The following PTBP2 variants were observed in gnomAD, a reference collection of about 807,000 sequenced individuals.
PTBP2 encodes polypyrimidine tract-binding protein 2.
In PTBP2, 13 loss-of-function variants were observed where a neutral mutation model predicts 61.4. That is an observed-to-expected ratio of 0.21 (90% CI 0.14 to 0.34). The LOEUF (loss-of-function observed/expected upper bound fraction) is 0.34. PTBP2 is among the 10% of genes least tolerant of loss of function. The pLI is 1.00. For missense variants in PTBP2, 405 were observed against 642.6 expected, an observed-to-expected ratio of 0.63 and a Z score of 4.00; for synonymous variants, 215 against 218.5, an observed-to-expected ratio of 0.98 and a Z score of 0.14.
At position 96,791,838 on chromosome 1, in the gene PTBP2, T is replaced by TTTTTTTTGTTTTTTTTTTG. The variant is rs1557759300; in HGVS notation, c.904+6591_904+6592insGTTTTTTTTTTGTTTTTTT. 4.0e-4 allele frequency among the ~76,000 whole-genome samples: 55 copies of TTTTTTTTGTTTTTTTTTTG among 137,676 alleles called. 1 individual carries two copies. Among genetic ancestry groups the TTTTTTTTGTTTTTTTTTTG allele is most frequent in the African/African-American group, 1.3e-3 (45 of 35,648 alleles). 90.3% of individuals were successfully genotyped at this position (137,676 alleles called of 152,430 possible). On this transcript the variant is annotated intron_variant, in intron 8 of 13. Coordinates refer to ENST00000674951, the MANE Select transcript of PTBP2 (RefSeq NM_021190.4). ...GCTTGGAGTTGTGCTTTTTTTTTTT[T>TTTTTTTTGTTTTTTTTTTG]TTTTTTTTTTTGAGATAGAGTCTGG...
At chr1:96,731,830 A>G (rs899264564) in intron 2 of PTBP2, among the ~76,000 whole-genome samples, 1 of 152,068 alleles carries the variant, frequency 6.6e-6, no homozygotes, top group African/African-American at 2.4e-5. Context: ...GTAATTTGTA[A>G]TATCAGGGGT....
chr1:96,722,350 G>A (rs765388883), intron 1 of PTBP2, among the ~76,000 whole-genome samples: 52 of 152,056 alleles, frequency 3.4e-4, no homozygotes, highest in Non-Finnish European at 5.6e-4. Flanking sequence ...CCAGCCATGA[G>A]CAACCTCTCC....
intron 2 of PTBP2, among the ~76,000 whole-genome samples, chr1:96,736,421 T>C (rs1240080349): frequency 1.3e-5 from 2 of 152,080 alleles, no homozygotes; most frequent in Non-Finnish European, 2.9e-5. Context: ...GTAGAGACAC[T>C]GGAGTTTGAG....
chr1:96,742,009 A>C (rs994228060), intron 2 of PTBP2, among the ~76,000 whole-genome samples: 29 of 152,176 alleles, frequency 1.9e-4, no homozygotes, highest in African/African-American at 7.0e-4. Flanking sequence ...GTGAGTGTCA[A>C]AACTTTGTTT....
intron 2 of PTBP2, among the ~76,000 whole-genome samples, chr1:96,726,009 A>G (rs1407807573): frequency 7.5e-6 from 1 of 133,966 alleles, no homozygotes; most frequent in Non-Finnish European, 1.6e-5. Flanking sequence ...TGCGAGGCAG[A>G]GGTTGCAGTA....
chr1:96,787,527 T>C (rs1659345932), intron 8 of PTBP2, among the ~76,000 whole-genome samples: 1 of 152,234 alleles, frequency 6.6e-6, no homozygotes, highest in Admixed American at 6.5e-5. Context: ...TTTTTTTATC[T>C]GTTTTAATGT....
chr1:96,750,802 C>T (rs1654445223), intron 2 of PTBP2, among the ~76,000 whole-genome samples: 1 of 151,998 alleles, frequency 6.6e-6, no homozygotes, highest in Admixed American at 6.6e-5. Flanking sequence ...TTCAAAATAG[C>T]TAAAATGTCA....
intron 7 of PTBP2, among the ~76,000 whole-genome samples, chr1:96,780,431 A>G (rs1157817665): frequency 5.3e-5 from 8 of 151,794 alleles, no homozygotes; most frequent in Admixed American, 2.6e-4. Context: ...TCATTTCTCT[A>G]CTTACTATTA....
intron 5 of PTBP2, 129 bp from the exon 6 acceptor site, chr1:96,777,456 G>GT: frequency 3.0e-6 from 2 of 677,372 alleles, no homozygotes; most frequent in Non-Finnish European, 4.6e-6. Flanking sequence ...AAAAATATCT[G>GT]TTGAGGGGCC....
At chr1:96,740,016 G>T (rs1034087496) in intron 2 of PTBP2, among the ~76,000 whole-genome samples, 26 of 152,046 alleles carry the variant, frequency 1.7e-4, no homozygotes, top group African/African-American at 6.0e-4. Flanking sequence ...GAATGCTCAG[G>T]TTGTGTTTGT....
intron 9 of PTBP2, 86 bp from the exon 10 acceptor site, chr1:96,806,333 C>T: frequency 1.8e-6 from 2 of 1,121,508 alleles, no homozygotes; most frequent in Non-Finnish European, 2.7e-6. Context: ...AACCACCCTT[C>T]GTTATGGATG....
chr1:96,775,331 T>C (rs1273937142), intron 5 of PTBP2, among the ~76,000 whole-genome samples: 2 of 152,204 alleles, frequency 1.3e-5, no homozygotes, highest in African/African-American at 2.4e-5. Context: ...TTAAAAGATA[T>C]GTACAAGAAA....
Position 96,806,958 on chromosome 1 carries a change from G to T in PTBP2, c.1171G>T (p.Ala391Ser), listed in dbSNP as rs1272804958. Residue 391 changes from alanine to serine, a missense_variant and splice_region_variant, in exon 11 of 14, where the codon GCC (alanine) becomes TCC (serine). By Grantham distance (99) the Ala-to-Ser change is moderately conservative. Coordinates refer to ENST00000674951, the MANE Select transcript of PTBP2 (RefSeq NM_021190.4). ...QMADGNQSQL[A>S]MNHLNGQKMY... Reference sequence around the variant, plus strand: ...GGCTGATGGAAACCAATCACAACTTGGTAAGATTAAACTATGTTTTATCTA... The same window carrying T: ...GGCTGATGGAAACCAATCACAACTTTGTAAGATTAAACTATGTTTTATCTA... 6.3e-7 allele frequency: 1 copy of T among 1,597,676 alleles called. No homozygotes were observed. Among genetic ancestry groups the T allele is most frequent in the Non-Finnish European group, 8.5e-7 (1 of 1,170,536 alleles).
chr1:96,757,996 T>C (rs1207199855), intron 3 of PTBP2, among the ~76,000 whole-genome samples: 1 of 151,934 alleles, frequency 6.6e-6, no homozygotes, highest in Non-Finnish European at 1.5e-5. Context: ...AAGACATAAA[T>C]TACCAATACT....
intron 11 of PTBP2, among the ~76,000 whole-genome samples, chr1:96,810,517 G>T (rs1661973020): frequency 6.6e-6 from 1 of 152,096 alleles, no homozygotes; most frequent in African/African-American, 2.4e-5. Flanking sequence ...ACTTCCTGAG[G>T]TAGCTGTTTG....
At chr1:96,772,755 ATTAT>A (rs1189866777) in intron 5 of PTBP2, among the ~76,000 whole-genome samples, 1 of 152,132 alleles carries the variant, frequency 6.6e-6, no homozygotes, top group Non-Finnish European at 1.5e-5. Context: ...CTAGTTCGTT[ATTAT>A]TTAAGTAATT....
downstream of PTBP2, chr1:96,815,270 A>G (rs780376017): frequency 8.0e-5 from 12 of 150,492 alleles, no homozygotes; most frequent in Non-Finnish European, 1.5e-4. Flanking sequence ...CTGCAGTTTC[A>G]TCTTTCATCT....
At chr1:96,791,828 T>TTTTTTTGTTTTTTTTTTG (rs367588623) in intron 8 of PTBP2, among the ~76,000 whole-genome samples, 1,200 of 75,588 alleles carry the variant, frequency 0.016, 166 homozygotes, top group African/African-American at 0.06. Flanking sequence ...GAGTTGTGCT[T>TTTTTTTGTTTTTTTTTTG]TTTTTTTTTT....
In PTBP2 at chr1:96,754,893, A is replaced by G. The variant is rs528040044; in HGVS notation, c.115+3393A>G. ...ATGGCCTAATGTAAAACCAAAAATT[A>G]TAAAATCTCTAGAAAAAAATACAGA... On this transcript the variant is annotated intron_variant, in intron 3 of 13. Coordinates refer to ENST00000674951, the MANE Select transcript of PTBP2 (RefSeq NM_021190.4). Among the ~76,000 whole-genome samples the G allele has an allele frequency of 3.3e-5, 5 of 152,324 alleles. No homozygotes were observed. The East Asian group carries it at 7.7e-4, about 23-fold the overall frequency.
Sources: allele counts gnomAD v4.1 joint callset (sites outside exome capture counted in the v4.1 genomes callset), GRCh38; gene constraint gnomAD v4.1.1; transcripts MANE v1.5; gene names NCBI Gene and HGNC (gene_info 2026-07-23, HGNC 2026-07-21).